Variants in SLC44A2 observed in about 807,000 individuals in gnomAD.
SLC44A2 encodes solute carrier family 44 member 2 (CTL2 blood group), also known as choline transporter-like protein 2.
In SLC44A2, 57 loss-of-function variants were observed where a neutral mutation model predicts 90.8. The observed-to-expected ratio is 0.63, with a 90% CI of 0.51 to 0.78. The LOEUF is 0.78. Among genes scored for constraint, SLC44A2 ranks in the 30% least tolerant of loss-of-function variants. The probability of loss-of-function intolerance (pLI) is 0.00; values close to 1 mark genes in which losing one functional copy is unlikely to be tolerated. For synonymous variants in SLC44A2, 355 were observed against 360.7 expected (o/e 0.98, Z 0.18); for missense variants, 794 against 919.7 (o/e 0.86, Z 1.77).
chr19:10,625,399 C>A (rs903087635), upstream of SLC44A2: 3 of 1,124,788 alleles, frequency 2.7e-6, no homozygotes, highest in Non-Finnish European at 3.3e-6. Context: ...AGGCTAAATG[C>A]GGCCGGCCGG....
intron 4 of SLC44A2, among the ~76,000 whole-genome samples, chr19:10,630,082 G>A (rs1676666736): frequency 6.6e-6 from 1 of 152,142 alleles, no homozygotes; most frequent in Admixed American, 6.6e-5. Flanking sequence ...GGAAACAATA[G>A]GCCGGGCACG....
intron 4 of SLC44A2, 35 bp downstream of exon 4, chr19:10,628,039 G>T: frequency 6.4e-7 from 1 of 1,563,964 alleles, no homozygotes; most frequent in Non-Finnish European, 8.8e-7. Flanking sequence ...TGGGGCTGGG[G>T]AAGAGGGGGC....
chr19:10,631,583 G>GC, intron 7 of SLC44A2, 43 bp from the exon 8 acceptor site: 2 of 1,613,960 alleles, frequency 1.2e-6, no homozygotes, highest in Non-Finnish European at 1.7e-6. Flanking sequence ...GGGAGGCTCT[G>GC]CAGAGGCTCA....
In SLC44A2 at chr19:10,626,267, T is replaced by C; in HGVS notation, c.52T>C (p.Tyr18His). 2 of 1,613,704 alleles carry C rather than the reference T, an allele frequency of 1.2e-6. No individual in the cohort carries two copies. Among genetic ancestry groups the C allele is most frequent in the Non-Finnish European group, 1.7e-6 (2 of 1,179,580 alleles). Residue 18 changes from tyrosine (Y) to histidine (H), a missense_variant, in exon 2 of 22, where the codon TAT becomes CAT. Transcript: ENST00000335757. ...TTGACTTTCAGGAACGCCACAGAAG[T>C]ATGATCCCACTTTCAAAGGACCCAT... ...YYGKHGTPQK[Y>H]DPTFKGPIYN...
At chr19:10,621,099 A>G (rs907928524), upstream of SLC44A2, among the ~76,000 whole-genome samples, 2 of 152,150 alleles carry the variant, frequency 1.3e-5, no homozygotes, top group African/African-American at 4.8e-5. Flanking sequence ...CTATAATCCC[A>G]GCACTTTGGG....
At chr19:10,633,477 A>G (rs910627048) in intron 10 of SLC44A2, among the ~76,000 whole-genome samples, 7 of 151,874 alleles carry the variant, frequency 4.6e-5, no homozygotes, top group Non-Finnish European at 1.0e-4. Flanking sequence ...GTTTTTTGAG[A>G]CAGAGTCTCA....
intron 1 of SLC44A2, among the ~76,000 whole-genome samples, chr19:10,612,242 C>T (rs565251698): frequency 1.7e-3 from 261 of 151,514 alleles, no homozygotes; most frequent in African/African-American, 6.1e-3. Flanking sequence ...CGTGGTGGTG[C>T]ATGCCTGTGG....
intron 1 of SLC44A2, among the ~76,000 whole-genome samples, chr19:10,607,362 T>C (rs936927199): frequency 2.6e-5 from 4 of 152,052 alleles, no homozygotes; most frequent in African/African-American, 4.8e-5. Context: ...TGTTGTTGTT[T>C]ATACACAGGG....
At chr19:10,623,692 AT>A (rs542331677), upstream of SLC44A2, among the ~76,000 whole-genome samples, 1,748 of 140,596 alleles carry the variant, frequency 0.012, 24 homozygotes, top group African/African-American at 0.03. Context: ...ATTGTATTGT[AT>A]TTTTTTTTTT....
chr19:10,606,494 G>A (rs1217604217), intron 1 of SLC44A2, among the ~76,000 whole-genome samples: 1 of 151,608 alleles, frequency 6.6e-6, no homozygotes, highest in African/African-American at 2.4e-5. Context: ...TGACCAACAT[G>A]GCGAAACCCT....
In SLC44A2 at chr19:10,641,864, A is replaced by G. The variant is rs1220972050; in HGVS notation, c.1930-503A>G. Among the ~76,000 whole-genome samples the G allele has an allele frequency of 4.0e-5, 6 of 151,876 alleles. No homozygotes were observed. The East Asian group carries it at 1.2e-3, about 29-fold the overall frequency. ...GTGAGACCCTGTCTCAAAAAAAGAA[A>G]AAAAAAAAAGGCCGGGTGTGCGGTG... On this transcript the variant is annotated intron_variant, in intron 20 of 21. Coordinates refer to ENST00000335757, the MANE Select transcript of SLC44A2 (RefSeq NM_020428.4).
chr19:10,641,098 A>G (rs1025107129), intron 20 of SLC44A2: 38 of 422,812 alleles, frequency 9.0e-5, no homozygotes, highest in Middle Eastern at 3.5e-4. Flanking sequence ...GGAGGGAAAA[A>G]AAAAAGGCTC....
Position 10,631,287 on chromosome 19 carries a change from A to G in SLC44A2, c.343A>G (p.Lys115Glu). The change falls in exon 6 of 22, where the codon AAA becomes GAA. Residue 115 changes from lysine (K) to glutamate (E), a missense_variant. Lys to Glu is a moderately conservative substitution (Grantham distance 56). This residue lies in a region of SLC44A2 where 738 missense variants were observed against 841.1 expected (regional missense o/e 0.88). Coordinates refer to ENST00000335757, the MANE Select transcript of SLC44A2 (RefSeq NM_020428.4). ...QCPTPQICVE[K>E]CPDRYLTYLN... ...TCTCCCCTCCCAGATCTGCGTGGAAAAATGCCCCGACCGCTACCTCACGTA... is the reference window on the plus strand; with the variant it reads ...TCTCCCCTCCCAGATCTGCGTGGAAGAATGCCCCGACCGCTACCTCACGTA... The G allele has an allele frequency of 6.2e-7, 1 of 1,614,050 alleles. No homozygotes were observed. Among genetic ancestry groups the G allele is most frequent in the Non-Finnish European group, 8.5e-7 (1 of 1,180,030 alleles).
chr19:10,627,638 G>A lies in SLC44A2; in HGVS notation c.87-84G>A, dbSNP rs74999582. 12,542 of 1,426,136 alleles carry A rather than the reference G, an allele frequency of 8.8e-3. 123 individuals are homozygous for A. The highest frequency in any genetic ancestry group is 8.8e-3 in the Non-Finnish European group (8,962 of 1,014,050). The allele number at this position is 1,426,136 out of a possible 1,614,324, so 88.3% of individuals were successfully genotyped here. Reference sequence around the variant, plus strand: ...GGAAAATTTGTCCAAATAACACATGGATGAGGGTGTTTGCAGAGGGCAGAT... The same window carrying A: ...GGAAAATTTGTCCAAATAACACATGAATGAGGGTGTTTGCAGAGGGCAGAT... On this transcript the variant is annotated intron_variant, in intron 2 of 21. Coordinates refer to ENST00000335757, the MANE Select transcript of SLC44A2 (RefSeq NM_020428.4).
chr19:10,643,385 A>G lies in SLC44A2; in HGVS notation c.2121A>G (p.Ter707TrpextTer18), dbSNP rs1192388557. Residue 707 changes from the stop codon to tryptophan (W), a stop_lost, in exon 22 of 22, where the codon TGA becomes TGG. Coordinates refer to ENST00000335757, the MANE Select transcript of SLC44A2 (RefSeq NM_020428.4). ...NKTNKKAAES[*>W] ...CCAACAAGAAGGCAGCGGAGTCCTGAAGGCCCCGTGCTCCCCACCTCTCAA... is the reference window on the plus strand; with the variant it reads ...CCAACAAGAAGGCAGCGGAGTCCTGGAGGCCCCGTGCTCCCCACCTCTCAA... 6.2e-7 allele frequency: 1 copy of G among 1,608,448 alleles called. No homozygotes were observed. Among genetic ancestry groups the G allele is most frequent in the Non-Finnish European group, 8.5e-7 (1 of 1,176,852 alleles).
In SLC44A2 at chr19:10,608,357, G is replaced by A. The variant is rs565827166; in HGVS notation, c.31+5796G>A. ...ACTGATCACAGGTGTGTGCCATGGC[G>A]CCCAGCACAATCTTTTTTCACGGTA... is the stretch of plus-strand genomic sequence containing the variant. On this transcript the variant is annotated intron_variant, in intron 1 of 21. Transcript: ENST00000407327. 2.1e-3 allele frequency among the ~76,000 whole-genome samples: 316 copies of A among 152,016 alleles called. 2 individuals are homozygous for A. Among genetic ancestry groups the A allele is most frequent in the African/African-American group, 7.1e-3 (294 of 41,504 alleles).
chr19:10,621,440 TTG>T (rs1394946899), upstream of SLC44A2, among the ~76,000 whole-genome samples: 4 of 143,976 alleles, frequency 2.8e-5, 1 homozygote, highest in Admixed American at 6.9e-5. Flanking sequence ...TTTTTTTTTT[TTG>T]GTTTTTGTGG....
Position 10,635,092 on chromosome 19 carries a change from A to AG in SLC44A2, c.1055+23dup, listed in dbSNP as rs901037150. On this transcript the variant is annotated intron_variant, in intron 12 of 21. Coordinates refer to ENST00000335757, the MANE Select transcript of SLC44A2 (RefSeq NM_020428.4). ...CCAGCAGGTGGGGGGCCAGGGTGCC[A>AG]GGGGCCAGGATGGAGCTGTCCCTAG... 9 of 1,613,764 alleles carry AG rather than the reference A, an allele frequency of 5.6e-6. No homozygotes were observed. In the African/African-American group the frequency reaches 1.1e-4, roughly 19 times the overall value.
At chr19:10,607,153 T>G (rs1305488036) in intron 1 of SLC44A2, among the ~76,000 whole-genome samples, 1 of 152,118 alleles carries the variant, frequency 6.6e-6, no homozygotes, top group African/African-American at 2.4e-5. Context: ...GACCTTGTGA[T>G]CAGCCTGCCT....
Sources: gnomAD v4.1 joint callset for allele counts (sites outside exome capture counted in the v4.1 genomes callset) on GRCh38, gnomAD v4.1.1 for gene constraint, gnomAD v4.1.1 regional missense constraint, MANE v1.5 for transcripts, NCBI Gene and HGNC (gene_info 2026-07-23, HGNC 2026-07-21) for gene names.